Variants in ROBO2 observed in about 807,000 individuals in gnomAD.
ROBO2 encodes roundabout homolog 2.
Under a neutral mutation model 160.8 loss-of-function variants are expected in ROBO2, and 53 were observed. That is an observed-to-expected ratio of 0.33 (90% confidence interval 0.26 to 0.41). ROBO2 has a LOEUF of 0.41. Among genes scored for constraint, ROBO2 ranks in the 10% least tolerant of loss-of-function variants. ROBO2 has a pLI of 1.00. For synonymous variants in ROBO2, 664 were observed against 611.7 expected (o/e 1.09, Z -1.26); for missense variants, 1,577 against 1,722.4 (o/e 0.92, Z 1.49).
At chr3:75,949,459 C>T (rs1034423335) in intron 2 of ROBO2, among the ~76,000 whole-genome samples, 10 of 152,068 alleles carry the variant, frequency 6.6e-5, no homozygotes, top group African/African-American at 2.4e-4. Flanking sequence ...ACTGATTTCA[C>T]ATGTCATGTA....
intron 2 of ROBO2, among the ~76,000 whole-genome samples, chr3:76,555,421 GAA>G: frequency 1.4e-5 from 1 of 71,010 alleles, no homozygotes; most frequent in African/African-American, 4.3e-5. Flanking sequence ...GAAGAAGAAA[GAA>G]GGAGAAGGGG....
chr3:76,701,906 T>C (rs569626520), intron 2 of ROBO2, among the ~76,000 whole-genome samples: 1 of 151,430 alleles, frequency 6.6e-6, no homozygotes, highest in South Asian at 2.1e-4. Context: ...CGGAGAACTG[T>C]ATGTATTTAG....
chr3:76,153,852 A>C (rs1219852539), intron 2 of ROBO2, among the ~76,000 whole-genome samples: 1 of 152,142 alleles, frequency 6.6e-6, no homozygotes, highest in Non-Finnish European at 1.5e-5. Flanking sequence ...TTTTATTCAC[A>C]TCTTGTCATC....
intron 2 of ROBO2, among the ~76,000 whole-genome samples, chr3:76,050,068 A>G (rs190770803): frequency 1.3e-5 from 2 of 152,208 alleles, no homozygotes; most frequent in Admixed American, 6.5e-5. Context: ...GACGCAAATA[A>G]CTGTTCCTGG....
chr3:77,584,233 T>A (rs2093986624), intron 16 of ROBO2, among the ~76,000 whole-genome samples: 1 of 152,204 alleles, frequency 6.6e-6, no homozygotes, highest in African/African-American at 2.4e-5. Context: ...GATTGAGTTT[T>A]TTCAGCTGAG....
intron 2 of ROBO2, among the ~76,000 whole-genome samples, chr3:77,221,854 C>CTTTTTTTTTTTTTTTTTTTTTTTCTT (rs5850317): frequency 7.1e-6 from 1 of 140,284 alleles, no homozygotes; most frequent in African/African-American, 2.7e-5. Context: ...TTTTCTTTTT[C>CTTTTTTTTTTTTTTTTTTTTTTTCTT]TTTTTTTTTT....
At position 76,580,345 on chromosome 3, in the gene ROBO2, T is replaced by G. The variant is rs1207540768; in HGVS notation, c.110-517669T>G. Among the ~76,000 whole-genome samples, 350 of 144,552 alleles carry G rather than the reference T, an allele frequency of 2.4e-3. 3 individuals are homozygous for G. The highest frequency in any genetic ancestry group is 0.014 in the East Asian group (67 of 4,930). 94.8% of individuals were successfully genotyped at this position (144,552 alleles called of 152,430 possible). On this transcript the variant is annotated intron_variant, in intron 2 of 26. Coordinates refer to the ROBO2 transcript ENST00000487694. ...TTTTTTTTGTTTTTTTTTTTGTGTT[T>G]TTTTTTTTGTTTTTTTTTTTGGTTT...
chr3:77,335,596 A>C (rs763412923), intron 2 of ROBO2, among the ~76,000 whole-genome samples: 4 of 152,182 alleles, frequency 2.6e-5, no homozygotes, highest in Non-Finnish European at 5.9e-5. Flanking sequence ...CCCCAAGCCC[A>C]TTCATAATTG....
chr3:77,112,670 T>A (rs2073781966), intron 2 of ROBO2, among the ~76,000 whole-genome samples: 1 of 152,058 alleles, frequency 6.6e-6, no homozygotes, highest in Admixed American at 6.5e-5. Context: ...CAAGAACTAT[T>A]CTCCCAAAGA....
intron 2 of ROBO2, among the ~76,000 whole-genome samples, chr3:76,858,507 G>C (rs1335444699): frequency 6.6e-6 from 1 of 152,144 alleles, no homozygotes; most frequent in African/African-American, 2.4e-5. Flanking sequence ...CAGGCAATCT[G>C]CCTGCCTTGG....
chr3:77,160,895 G>T (rs562784264), intron 2 of ROBO2, among the ~76,000 whole-genome samples: 1 of 152,268 alleles, frequency 6.6e-6, no homozygotes, highest in Non-Finnish European at 1.5e-5. Flanking sequence ...TGAACTGCTT[G>T]CATTGTGAGT....
intron 24 of ROBO2, among the ~76,000 whole-genome samples, chr3:77,636,314 C>A (rs1032718631): frequency 6.6e-6 from 1 of 152,064 alleles, no homozygotes; most frequent in Non-Finnish European, 1.5e-5. Context: ...GTAGAATAGG[C>A]CAAGCACGGT....
intron 2 of ROBO2, among the ~76,000 whole-genome samples, chr3:76,708,213 T>C (rs777715643): frequency 1.3e-5 from 2 of 152,176 alleles, no homozygotes; most frequent in Non-Finnish European, 2.9e-5. Flanking sequence ...TAGGGAAATA[T>C]GAAAATATTT....
chr3:77,009,049 TGTG>T (rs2061729372), intron 2 of ROBO2, among the ~76,000 whole-genome samples: 1 of 152,204 alleles, frequency 6.6e-6, no homozygotes, highest in African/African-American at 2.4e-5. Context: ...ATTCTTGCCA[TGTG>T]GTCAATTTCC....
intron 2 of ROBO2, among the ~76,000 whole-genome samples, chr3:76,836,382 C>T (rs981984469): frequency 1.3e-5 from 2 of 150,586 alleles, no homozygotes; most frequent in Non-Finnish European, 3.0e-5. Flanking sequence ...TCTGAGTGAA[C>T]TATTATCCTC....
chr3:76,789,980 ATAT>A (rs1373269151), intron 2 of ROBO2, among the ~76,000 whole-genome samples: 2 of 151,684 alleles, frequency 1.3e-5, no homozygotes, highest in Non-Finnish European at 3.0e-5. Flanking sequence ...ATTTATCTCT[ATAT>A]TTTACATGAT....
chr3:76,122,735 G>A (rs558579993), intron 2 of ROBO2, among the ~76,000 whole-genome samples: 20 of 151,742 alleles, frequency 1.3e-4, no homozygotes, highest in East Asian at 1.9e-4. Context: ...TTCTCCCTAC[G>A]TGCTCTCTCT....
intron 2 of ROBO2, among the ~76,000 whole-genome samples, chr3:76,901,134 G>A (rs2075193210): frequency 6.6e-6 from 1 of 151,816 alleles, no homozygotes; most frequent in African/African-American, 2.4e-5. Context: ...GGTTAGTATG[G>A]GTCCTGTCAT....
chr3:77,071,449 C>T (rs1013255991), intron 1 of ROBO2, among the ~76,000 whole-genome samples: 1 of 152,168 alleles, frequency 6.6e-6, no homozygotes, highest in Non-Finnish European at 1.5e-5. Flanking sequence ...ATAGCCTAGG[C>T]TCTATGCCTA....
Sources: allele counts gnomAD v4.1 joint callset (sites outside exome capture counted in the v4.1 genomes callset), GRCh38; gene constraint gnomAD v4.1.1; transcripts MANE v1.5; gene names NCBI Gene and HGNC (gene_info 2026-07-23, HGNC 2026-07-21).